ATG3: variants seen among roughly 807,000 people sequenced by gnomAD.
ATG3 encodes autophagy related 3.
ATG3 carries 25 observed loss-of-function variants against 50.7 expected under a neutral mutation model. The observed-to-expected ratio is 0.49, with a 90% CI of 0.36 to 0.69. The LOEUF (loss-of-function observed/expected upper bound fraction) is 0.69, where lower values mean the gene tolerates loss of function less well. Among genes scored for constraint, ATG3 ranks in the 30% least tolerant of loss-of-function variants. ATG3 has a pLI of 0.00. For synonymous variants in ATG3, 119 were observed against 125.5 expected (o/e 0.95, Z 0.34); for missense variants, 281 against 376.0 (o/e 0.75, Z 2.09).
rs759515114 is a variant in ATG3 at position 112,537,895 on chromosome 3, A to T, written c.511-5T>A. On this transcript the variant is annotated splice_polypyrimidine_tract_variant and splice_region_variant and intron_variant, in intron 8 of 11. Transcript: ENST00000283290. ...TTTCCTTGTATCTAGGGTAGCCTGA[A>T]AATAATAAAAGAGAAAAATTTACAA... 2.5e-6 allele frequency: 4 copies of T among 1,589,708 alleles called. No individual in the cohort carries two copies. The African/African-American group carries it at 5.5e-5, about 22-fold the overall frequency.
At position 112,550,258 on chromosome 3, in the gene ATG3, T is replaced by C; in HGVS notation, c.169A>G (p.Thr57Ala). Residue 57 changes from threonine to alanine, a missense_variant, in exon 4 of 12, where the codon ACA (threonine) becomes GCA (alanine). By Grantham distance (58) the Thr-to-Ala change is moderately conservative. Around this residue, in one of 3 missense-constraint regions of ATG3, gnomAD observed 17 missense variants for 48.2 expected, o/e 0.35. Coordinates refer to ENST00000283290, the MANE Select transcript of ATG3 (RefSeq NM_022488.5). ...VHHCPTWQWA[T>A]GEELKVKAYL... ...GCCTTCACTTTCAATTCTTCCCCTG[T>C]AGCCCTTTAAAAACAGTGAAAAGCA... 1.9e-6 allele frequency: 3 copies of C among 1,611,418 alleles called. No homozygotes were observed. The highest frequency in any genetic ancestry group is 2.7e-5 in the African/African-American group (2 of 74,938).
rs1384427049 is a variant in ATG3, at chr3:112,561,583, C to T, written c.-55G>A. ...GACGGGATGGAAAGTGCAGCCGTGT[C>T]AGGGGCCAGGGAGTCAGAAAATGTC... On this transcript the variant is annotated 5_prime_UTR_variant, in exon 1 of 12. Transcript: ENST00000283290. The T allele has an allele frequency of 2.6e-6, 4 of 1,550,310 alleles. No homozygotes were observed. The East Asian group carries it at 9.3e-5, about 36-fold the overall frequency.
Position 112,534,356 on chromosome 3 carries a change from A to AAG in ATG3, c.795-20_795-19insCT. 1 of 1,545,926 alleles carries AAG rather than the reference A, an allele frequency of 6.5e-7. No homozygotes were observed. Among genetic ancestry groups the AAG allele is most frequent in the Non-Finnish European group, 8.7e-7 (1 of 1,154,606 alleles). On this transcript the variant is annotated intron_variant, in intron 10 of 11. Coordinates refer to ENST00000283290, the MANE Select transcript of ATG3 (RefSeq NM_022488.5). ...AGCATGCCTAGAAGCCAAAAAAAAA[A>AAG]AAAATTGTTAATGTAGATCGATTAG...
chr3:112,538,216 C>T (rs1197372099), intron 7 of ATG3, 36 bp from the exon 8 acceptor site: 1 of 1,502,288 alleles, frequency 6.7e-7, no homozygotes, highest in African/African-American at 1.4e-5. Flanking sequence ...TAATCAAGTT[C>T]AAGTTCAAGA....
chr3:112,559,028 T>C (rs1200238005), intron 1 of ATG3, among the ~76,000 whole-genome samples: 1 of 152,212 alleles, frequency 6.6e-6, no homozygotes, highest in Non-Finnish European at 1.5e-5. Context: ...CGTGAGCCAC[T>C]GCGCCCGGCC....
At chr3:112,545,612 C>T (rs1300012706) in intron 5 of ATG3, among the ~76,000 whole-genome samples, 2 of 152,160 alleles carry the variant, frequency 1.3e-5, no homozygotes, top group African/African-American at 4.8e-5. Flanking sequence ...TATTTCATAA[C>T]AGTAAAACCC....
intron 2 of ATG3, 196 bp downstream of exon 2, chr3:112,558,180 T>A: frequency 1.8e-6 from 1 of 560,456 alleles, no homozygotes; most frequent in South Asian, 2.3e-5. Context: ...CAGAGAAATA[T>A]GAGAAGTGGC....
chr3:112,539,938 G>A (rs1247620843), intron 7 of ATG3, among the ~76,000 whole-genome samples: 2 of 152,108 alleles, frequency 1.3e-5, no homozygotes, highest in Non-Finnish European at 2.9e-5. Flanking sequence ...CCCCAACTTG[G>A]TCAACTATGT....
intron 2 of ATG3, among the ~76,000 whole-genome samples, chr3:112,554,116 C>G (rs555939027): frequency 3.3e-4 from 50 of 152,308 alleles, no homozygotes; most frequent in African/African-American, 1.2e-3. Context: ...TACTGGCGAA[C>G]AGAAATCCTG....
At position 112,534,184 on chromosome 3, in the gene ATG3, G is replaced by C. The variant is rs762235984; in HGVS notation, c.863+85C>G. The C allele has an allele frequency of 1.9e-6, 3 of 1,544,864 alleles. No individual in the cohort carries two copies. The Admixed American group carries it at 6.5e-5, about 34-fold the overall frequency. On this transcript the variant is annotated intron_variant, in intron 11 of 11. Coordinates refer to ENST00000283290, the MANE Select transcript of ATG3 (RefSeq NM_022488.5). ...GAAGTTAAAACAAGTTATAGCTACTGTATCATTAAGGTTACACTAAATTTC... is the reference window on the plus strand; with the variant it reads ...GAAGTTAAAACAAGTTATAGCTACTCTATCATTAAGGTTACACTAAATTTC...
chr3:112,559,707 T>C (rs1213079909), intron 1 of ATG3, among the ~76,000 whole-genome samples: 1 of 151,966 alleles, frequency 6.6e-6, no homozygotes, highest in Non-Finnish European at 1.5e-5. Flanking sequence ...AAACCAAGAG[T>C]GTGCTTAACA....
intron 1 of ATG3, among the ~76,000 whole-genome samples, chr3:112,560,748 T>C (rs1290245841): frequency 1.3e-5 from 2 of 152,226 alleles, no homozygotes; most frequent in Non-Finnish European, 2.9e-5. Context: ...CAGTCACTAC[T>C]GTAACAGCTA....
chr3:112,537,685 C>A, intron 9 of ATG3, 50 bp downstream of exon 9: 1 of 1,391,730 alleles, frequency 7.2e-7, no homozygotes, highest in East Asian at 2.6e-5. Context: ...GAAATTAAAA[C>A]CCAACAATTT....
At chr3:112,537,942 G>A (rs777512256) in intron 8 of ATG3, 52 bp from the exon 9 acceptor site, 5 of 1,485,742 alleles carry the variant, frequency 3.4e-6, no homozygotes, top group Non-Finnish European at 4.6e-6. Flanking sequence ...GTATGAATGT[G>A]ACATTCTAGA....
intron 11 of ATG3, chr3:112,533,199 T>G (rs571427243): frequency 1.6e-4 from 159 of 985,750 alleles, no homozygotes; most frequent in South Asian, 8.9e-4. Flanking sequence ...AAATCCTGTA[T>G]AGTAGACTGA....
intron 9 of ATG3, 152 bp downstream of exon 9, chr3:112,537,583 G>T (rs1933104405): frequency 5.7e-6 from 3 of 522,702 alleles, no homozygotes; most frequent in East Asian, 6.5e-5. Flanking sequence ...AAATAAGAAA[G>T]AATCAAGTTC....
chr3:112,549,652 T>C (rs1322157612), intron 4 of ATG3, among the ~76,000 whole-genome samples: 3 of 151,992 alleles, frequency 2.0e-5, no homozygotes, highest in South Asian at 2.1e-4. Flanking sequence ...CTACTAAAAA[T>C]ACAAAAATTA....
intron 5 of ATG3, among the ~76,000 whole-genome samples, chr3:112,545,125 C>G (rs1156750241): frequency 6.6e-6 from 1 of 152,166 alleles, no homozygotes; most frequent in Admixed American, 6.5e-5. Context: ...GTAATAATGT[C>G]TTCCTATGAA....
intron 2 of ATG3, among the ~76,000 whole-genome samples, chr3:112,555,198 C>A (rs575703927): frequency 6.6e-6 from 1 of 151,900 alleles, no homozygotes; most frequent in African/African-American, 2.4e-5. Flanking sequence ...GCAAGAAAAA[C>A]GAAAAACAAA....
Sources: allele counts gnomAD v4.1 joint callset (sites outside exome capture counted in the v4.1 genomes callset), GRCh38; gene constraint gnomAD v4.1.1; regional missense constraint gnomAD v4.1.1; transcripts MANE v1.5; gene names NCBI Gene and HGNC (gene_info 2026-07-23, HGNC 2026-07-21).